Variants in ZHX1 observed in about 807,000 individuals in gnomAD.
The protein encoded by ZHX1 is zinc fingers and homeoboxes protein 1.
ZHX1 carries 20 observed loss-of-function variants against 61.8 expected under a neutral mutation model. The ratio of observed to expected loss-of-function variants is 0.32; its 90% confidence interval spans 0.23 to 0.47. The LOEUF is 0.47. Ranked by LOEUF, ZHX1 falls within the 20% of genes least tolerant of loss-of-function variation. ZHX1 has a pLI of 1.00. For synonymous variants in ZHX1, 318 were observed against 352.6 expected (o/e 0.90, Z 1.10); for missense variants, 800 against 1,034.8 (o/e 0.77, Z 3.11).
At chr8:123,271,671 T>C (rs2131228438) in intron 1 of ZHX1, among the ~76,000 whole-genome samples, 1 of 152,226 alleles carries the variant, frequency 6.6e-6, no homozygotes, top group South Asian at 2.1e-4. Flanking sequence ...ATATAACCTT[T>C]CCATCTTAAT....
At chr8:123,267,861 C>A (rs1158115872) in intron 1 of ZHX1, among the ~76,000 whole-genome samples, 1 of 152,084 alleles carries the variant, frequency 6.6e-6, no homozygotes, top group African/African-American at 2.4e-5. Flanking sequence ...ATTAGCTGGG[C>A]GTGGTGGCGC....
chr8:123,266,329 T>C (rs1205391055), intron 2 of ZHX1, among the ~76,000 whole-genome samples: 1 of 152,208 alleles, frequency 6.6e-6, no homozygotes, highest in Non-Finnish European at 1.5e-5. Flanking sequence ...ATTCATCTGG[T>C]CATTATCTTC....
chr8:123,264,714 C>A (rs1001007443), intron 2 of ZHX1, among the ~76,000 whole-genome samples: 1 of 151,654 alleles, frequency 6.6e-6, no homozygotes, highest in Non-Finnish European at 1.5e-5. Flanking sequence ...CCCGCCACCA[C>A]GCCTGGCTAA....
chr8:123,271,007 T>G (rs1018974922), intron 1 of ZHX1, among the ~76,000 whole-genome samples: 2 of 152,166 alleles, frequency 1.3e-5, no homozygotes. Context: ...CATATTAATA[T>G]TTACTTTAAG....
chr8:123,271,602 A>G (rs2131228303), intron 1 of ZHX1, among the ~76,000 whole-genome samples: 1 of 152,308 alleles, frequency 6.6e-6, no homozygotes, highest in Non-Finnish European at 1.5e-5. Context: ...TTTACAGCAA[A>G]CTAAGTCTCA....
At chr8:123,258,524 C>T (rs1161854686) in intron 2 of ZHX1, among the ~76,000 whole-genome samples, 1 of 152,202 alleles carries the variant, frequency 6.6e-6, no homozygotes, top group Non-Finnish European at 1.5e-5. Context: ...TTTGTATCTT[C>T]AACCTAATAC....
intron 2 of ZHX1, among the ~76,000 whole-genome samples, chr8:123,261,398 G>A (rs1184988969): frequency 1.3e-5 from 2 of 152,106 alleles, no homozygotes; most frequent in Non-Finnish European, 2.9e-5. Context: ...TAGTAGTTAG[G>A]TGCCTGGAAG....
At chr8:123,268,992 A>G (rs898052417) in intron 1 of ZHX1, among the ~76,000 whole-genome samples, 1 of 152,212 alleles carries the variant, frequency 6.6e-6, no homozygotes, top group African/African-American at 2.4e-5. Flanking sequence ...CTTAGGCTGA[A>G]TAAGTACACT....
At chr8:123,260,547 G>T (rs1254006870) in intron 2 of ZHX1, among the ~76,000 whole-genome samples, 1 of 142,022 alleles carries the variant, frequency 7.0e-6, no homozygotes, top group Non-Finnish European at 1.6e-5. Context: ...GCAGTGAGCC[G>T]AGATCAAACC....
At position 123,255,984 on chromosome 8, in the gene ZHX1, A is replaced by G; in HGVS notation, c.-38T>C. ...AGGAAAAGCTCAGTGGTGATTAAAA[A>G]GCATCGAGGCTTAAAACTGTTCAGT... On this transcript the variant is annotated 5_prime_UTR_variant, in exon 3 of 4. Transcript: ENST00000395571. The G allele has an allele frequency of 6.5e-7, 1 of 1,545,870 alleles. No individual in the cohort carries two copies. The highest frequency in any genetic ancestry group is 1.3e-5 in the South Asian group (1 of 79,464).
intron 1 of ZHX1, chr8:123,273,731 G>A (rs1203240586): frequency 6.6e-6 from 1 of 152,478 alleles, no homozygotes; most frequent in African/African-American, 2.4e-5. Context: ...ACACGCCCCC[G>A]GAGGACAGCG....
chr8:123,271,252 G>C (rs891068916), intron 1 of ZHX1, among the ~76,000 whole-genome samples: 1 of 152,062 alleles, frequency 6.6e-6, no homozygotes, highest in Non-Finnish European at 1.5e-5. Flanking sequence ...AACTACGTAG[G>C]ATTATTTAAA....
intron 2 of ZHX1, among the ~76,000 whole-genome samples, chr8:123,258,495 C>G (rs1826145898): frequency 6.6e-6 from 1 of 152,082 alleles, no homozygotes; most frequent in African/African-American, 2.4e-5. Flanking sequence ...CCCCCAAACT[C>G]TGGATTGAGC....
At chr8:123,272,197 A>G (rs1826679332) in intron 1 of ZHX1, among the ~76,000 whole-genome samples, 2 of 152,280 alleles carry the variant, frequency 1.3e-5, no homozygotes, top group African/African-American at 4.8e-5. Flanking sequence ...AATCATCACT[A>G]TCATCAGTTA....
At chr8:123,270,795 A>C (rs1826628169) in intron 1 of ZHX1, among the ~76,000 whole-genome samples, 1 of 151,992 alleles carries the variant, frequency 6.6e-6, no homozygotes, top group Non-Finnish European at 1.5e-5. Context: ...CAAAAAAAAA[A>C]AAAAAAAAAT....
rs780185709 is a variant in ZHX1, at chr8:123,253,350, C to T, written c.2597G>A (p.Arg866Gln). ...DTWEPPRHVK[R>Q]KLSKSDD Reference sequence around the variant, plus strand: ...TCAGTCATCTGATTTAGACAGCTTCCGTTTCACATGTCGTGGAGGTTCCCA... The same window carrying T: ...TCAGTCATCTGATTTAGACAGCTTCTGTTTCACATGTCGTGGAGGTTCCCA... Residue 866 changes from arginine (R) to glutamine (Q), a missense_variant, in exon 3 of 4, where the codon CGG becomes CAG. Arg to Gln is a conservative substitution (Grantham distance 43). Transcript: ENST00000395571. 1.9e-5 allele frequency: 31 copies of T among 1,610,478 alleles called. No individual in the cohort carries two copies. The highest frequency in any genetic ancestry group is 2.5e-5 in the Non-Finnish European group (29 of 1,179,194).
chr8:123,268,138 A>T (rs555779439), intron 1 of ZHX1, among the ~76,000 whole-genome samples: 1 of 152,352 alleles, frequency 6.6e-6, no homozygotes, highest in Non-Finnish European at 1.5e-5. Context: ...TATTATGTTA[A>T]TCAGAATGGA....
At position 123,253,872 on chromosome 8, in the gene ZHX1, T is replaced by G; in HGVS notation, c.2075A>C (p.Lys692Thr). ...TQWPSPEEYD[K>T]LAKESGLART... The stretch of plus-strand genomic sequence containing the variant: ...AGCAAGCCCGCTTTCTTTGGCCAAC[T>G]TGTCATACTCTTCTGGTGATGGCCA... The change falls in exon 3 of 4, where the codon AAG (lysine) becomes ACG (threonine). Residue 692 changes from lysine (K) to threonine (T), a missense_variant. Lys to Thr is a moderately conservative substitution (Grantham distance 78). Transcript: ENST00000395571. The G allele has an allele frequency of 1.9e-6, 3 of 1,614,176 alleles. No individual in the cohort carries two copies. Among genetic ancestry groups the G allele is most frequent in the Non-Finnish European group, 1.7e-6 (2 of 1,180,016 alleles).
At chr8:123,273,910 T>C (rs971099500) in intron 1 of ZHX1, 1 of 152,482 alleles carries the variant, frequency 6.6e-6, no homozygotes, top group Non-Finnish European at 1.5e-5. Flanking sequence ...CCCCAAGCTC[T>C]TTCGGTGGCG....
Sources: allele counts gnomAD v4.1 joint callset (sites outside exome capture counted in the v4.1 genomes callset), GRCh38; gene constraint gnomAD v4.1.1; transcripts MANE v1.5; gene names NCBI Gene and HGNC (gene_info 2026-07-23, HGNC 2026-07-21).